APOLD1: variants seen among roughly 807,000 people sequenced by gnomAD.
The protein encoded by APOLD1 is apolipoprotein L domain containing 1, also known as apolipoprotein L domain-containing protein 1.
A neutral mutation model predicts 15.3 loss-of-function variants in APOLD1; 22 were observed. The ratio of observed to expected loss-of-function variants is 1.44; its 90% CI spans 1.03 to 2.05. The LOEUF is 2.05. APOLD1 is among the 30% of genes most tolerant of loss of function. The pLI is 0.00. For synonymous variants in APOLD1, 190 were observed against 167.4 expected (o/e 1.13, Z -1.04); for missense variants, 394 against 353.5 (o/e 1.11, Z -0.92).
chr12:12,735,726 G>C (rs1467030745), intron 1 of APOLD1, among the ~76,000 whole-genome samples: 1 of 152,062 alleles, frequency 6.6e-6, no homozygotes, highest in Non-Finnish European at 1.5e-5. Context: ...AGGATCATTC[G>C]AGGTTAGGCA....
intron 1 of APOLD1, among the ~76,000 whole-genome samples, chr12:12,769,879 T>C (rs1378362184): frequency 2.0e-5 from 3 of 152,220 alleles, no homozygotes; most frequent in African/African-American, 7.2e-5. Flanking sequence ...GAATGCTTCC[T>C]TTCCCTCCAC....
chr12:12,733,497 AT>A, intron 1 of APOLD1, among the ~76,000 whole-genome samples: 1 of 152,202 alleles, frequency 6.6e-6, no homozygotes, highest in Non-Finnish European at 1.5e-5. Context: ...TGTAGTTCCT[AT>A]TTCTGAGGGC....
intron 1 of APOLD1, among the ~76,000 whole-genome samples, chr12:12,755,655 A>G (rs1333344668): frequency 1.3e-5 from 2 of 152,218 alleles, no homozygotes; most frequent in African/African-American, 4.8e-5. Context: ...AGCCTGGACA[A>G]CATGGAGAAA....
chr12:12,737,563 T>TGAAA (rs1946698240), intron 1 of APOLD1, among the ~76,000 whole-genome samples: 1 of 152,182 alleles, frequency 6.6e-6, no homozygotes, highest in Non-Finnish European at 1.5e-5. Flanking sequence ...TTCCTGCATC[T>TGAAA]TACCTTCTCT....
intron 1 of APOLD1, among the ~76,000 whole-genome samples, chr12:12,778,027 C>T (rs1004276815): frequency 1.3e-5 from 2 of 150,822 alleles, no homozygotes; most frequent in Admixed American, 6.6e-5. Flanking sequence ...GGGGCTGAAG[C>T]GATCCTCCCA....
chr12:12,744,009 T>TGC (rs2136375110), intron 1 of APOLD1, among the ~76,000 whole-genome samples: 1 of 152,304 alleles, frequency 6.6e-6, no homozygotes, highest in East Asian at 1.9e-4. Context: ...TAGCACACAG[T>TGC]ACTGCAAGAT....
chr12:12,770,392 G>A (rs376461806), intron 1 of APOLD1, among the ~76,000 whole-genome samples: 2 of 152,088 alleles, frequency 1.3e-5, no homozygotes, highest in Admixed American at 6.5e-5. Context: ...GTGACAGAGC[G>A]AGACTTCATC....
At chr12:12,786,374 G>A (rs1947124500) in intron 1 of APOLD1, among the ~76,000 whole-genome samples, 3 of 152,116 alleles carry the variant, frequency 2.0e-5, no homozygotes, top group Admixed American at 2.0e-4. Flanking sequence ...ATCTAACTTA[G>A]ATGTTTCTTC....
rs1308385088 is a variant in APOLD1 at position 12,786,988 on chromosome 12, G to A, written c.83G>A (p.Arg28Gln). 2 of 1,424,758 alleles carry A rather than the reference G, an allele frequency of 1.4e-6. No homozygotes were observed. Among genetic ancestry groups the A allele is most frequent in the African/African-American group, 1.5e-5 (1 of 66,564 alleles). The allele number at this position is 1,424,758 out of a possible 1,614,324, so 88.3% of individuals were successfully genotyped here. A position where few individuals can be genotyped will look rare whatever the true frequency, so the allele number is the denominator to read the frequency against. ...RRFQGLLLDR[R>Q]GRLHGQVLRL... ...TTCCAGGGACTGCTGCTGGACCGCCGAGGCCGGCTGCACGGCCAGGTGCTG... is the reference window on the plus strand; with the variant it reads ...TTCCAGGGACTGCTGCTGGACCGCCAAGGCCGGCTGCACGGCCAGGTGCTG... The change falls in exon 2 of 2, where the codon CGA becomes CAA. Residue 28 changes from arginine (R) to glutamine (Q), a missense_variant. Physicochemically the swap from Arg to Gln is conservative, Grantham distance 43. Transcript: ENST00000356591.
chr12:12,787,130 G>A lies in APOLD1; in HGVS notation c.225G>A (p.Ser75=). Reference sequence around the variant, plus strand: ...CCCTCGCCGCCATCGTGGGGCTCTCGCTCAGCCCGGTCACCCTGGGGACCT... The same window carrying A: ...CCCTCGCCGCCATCGTGGGGCTCTCACTCAGCCCGGTCACCCTGGGGACCT... ...TGALAAIVGL[S]LSPVTLGTSL... is the part of the protein sequence containing the mutation. The change falls in exon 2 of 2, where the codon TCG becomes TCA. Residue 75 remains serine, a synonymous_variant. Transcript: ENST00000356591. The surrounding 1 kb of genome is among the most constrained non-coding windows in gnomAD (Gnocchi z 4.9). The A allele has an allele frequency of 6.8e-7, 1 of 1,476,624 alleles. No homozygotes were observed. The highest frequency in any genetic ancestry group is 8.9e-7 in the Non-Finnish European group (1 of 1,125,100). 91.5% of individuals were successfully genotyped at this position (1,476,624 alleles called of 1,614,324 possible). A position where few individuals can be genotyped will look rare whatever the true frequency, so the allele number is the denominator to read the frequency against.
At chr12:12,766,301 C>T (rs1946942063) in intron 1 of APOLD1, among the ~76,000 whole-genome samples, 1 of 150,602 alleles carries the variant, frequency 6.6e-6, no homozygotes, top group Non-Finnish European at 1.5e-5. Context: ...GTCCAATTAG[C>T]TATAGTCAGT....
intron 1 of APOLD1, among the ~76,000 whole-genome samples, chr12:12,743,815 C>T (rs549095698): frequency 1.2e-4 from 19 of 152,066 alleles, no homozygotes; most frequent in Non-Finnish European, 1.9e-4. Context: ...AGTGGTGTGA[C>T]GTGAGGGCTT....
At chr12:12,764,954 T>C (rs1276981429) in intron 1 of APOLD1, among the ~76,000 whole-genome samples, 1 of 152,238 alleles carries the variant, frequency 6.6e-6, no homozygotes, top group Non-Finnish European at 1.5e-5. Flanking sequence ...AGCTCTTCTC[T>C]AAGCAGCAAA....
chr12:12,754,151 C>T (rs1298595059), intron 1 of APOLD1, among the ~76,000 whole-genome samples: 4 of 129,298 alleles, frequency 3.1e-5, no homozygotes, highest in African/African-American at 8.4e-5. Flanking sequence ...TGCAGTGAGC[C>T]GAGATTGTGC....
At chr12:12,731,777 T>C (rs1214225654) in intron 1 of APOLD1, among the ~76,000 whole-genome samples, 5 of 152,364 alleles carry the variant, frequency 3.3e-5, no homozygotes, top group East Asian at 3.9e-4. Flanking sequence ...TTCTTGACAG[T>C]TTAATCCTTG....
intron 1 of APOLD1, among the ~76,000 whole-genome samples, chr12:12,758,017 C>T (rs1946869367): frequency 6.7e-6 from 1 of 149,700 alleles, no homozygotes; most frequent in Non-Finnish European, 1.5e-5. Flanking sequence ...CCTCTGCCTC[C>T]CGGGTTCAAG....
At chr12:12,726,038 G>T (rs1363892523) in exon 1 of APOLD1, 2 of 1,540,796 alleles carry the variant, frequency 1.3e-6, no homozygotes, top group Non-Finnish European at 1.8e-6. Flanking sequence ...CGGGCCAGGG[G>T]TACTCGGAAG....
intron 1 of APOLD1, among the ~76,000 whole-genome samples, chr12:12,778,296 A>G (rs552557435): frequency 6.7e-6 from 1 of 150,344 alleles, no homozygotes; most frequent in African/African-American, 2.5e-5. Flanking sequence ...TGTGGGAGGC[A>G]TATACCTCTC....
Position 12,787,874 on chromosome 12 carries a change from G to C in APOLD1, c.*222G>C. ...TACGGACTTTTCAGTCTTCCTAGTG[G>C]AAAAATGTGACCCAAAAACTCTTTT... On this transcript the variant is annotated 3_prime_UTR_variant, in exon 2 of 2. Coordinates refer to ENST00000356591, the MANE Select transcript of APOLD1 (RefSeq NM_030817.3). This position sits in a 1 kb window ranked among gnomAD's most constrained non-coding sequence, Gnocchi z 4.9. The C allele has an allele frequency of 1.7e-6, 1 of 586,078 alleles. No homozygotes were observed. Among genetic ancestry groups the C allele is most frequent in the Non-Finnish European group, 2.8e-6 (1 of 358,252 alleles). The allele number at this position is 586,078 out of a possible 1,614,324, so 36.3% of individuals were successfully genotyped here.
Sources: allele counts gnomAD v4.1 joint callset (sites outside exome capture counted in the v4.1 genomes callset), GRCh38; gene constraint gnomAD v4.1.1; non-coding constraint Gnocchi (gnomAD v3.1); transcripts MANE v1.5; gene names NCBI Gene and HGNC (gene_info 2026-07-23, HGNC 2026-07-21).